Variants in ST8SIA6 observed in about 807,000 individuals in gnomAD.
ST8SIA6 encodes the protein ST8 alpha-N-acetyl-neuraminide alpha-2,8-sialyltransferase 6, also known as alpha-2,8-sialyltransferase 8F.
In ST8SIA6, 39 loss-of-function variants were observed where a neutral mutation model predicts 33.6. The observed-to-expected ratio is 1.16, with a 90% confidence interval of 0.90 to 1.52. ST8SIA6 has a LOEUF of 1.52. Among genes scored for constraint, ST8SIA6 ranks in the 40% most tolerant of loss-of-function variants. The probability of loss-of-function intolerance (pLI) is 0.00; values close to 1 mark genes in which losing one functional copy is unlikely to be tolerated. For missense variants in ST8SIA6, 441 were observed against 443.8 expected (o/e 0.99, Z 0.06); for synonymous variants, 172 against 167.2 (o/e 1.03, Z -0.22).
At chr10:17,397,361 G>A (rs1439945047) in intron 2 of ST8SIA6, among the ~76,000 whole-genome samples, 1 of 149,592 alleles carries the variant, frequency 6.7e-6, no homozygotes, top group Non-Finnish European at 1.5e-5. Flanking sequence ...AGCCTCCTGT[G>A]TAGCTGGGAT....
At chr10:17,336,058 C>A (rs540282035) in intron 4 of ST8SIA6, among the ~76,000 whole-genome samples, 1 of 151,912 alleles carries the variant, frequency 6.6e-6, no homozygotes, top group South Asian at 2.1e-4. Flanking sequence ...TGGGTTCAAG[C>A]AATTCTCCTA....
intron 2 of ST8SIA6, among the ~76,000 whole-genome samples, chr10:17,395,214 G>A (rs1233270628): frequency 6.6e-6 from 1 of 152,130 alleles, no homozygotes. Context: ...CCCCAGCCAC[G>A]TGGAACTGTG....
At chr10:17,406,346 T>G (rs77982192) in intron 2 of ST8SIA6, among the ~76,000 whole-genome samples, 9,572 of 152,226 alleles carry the variant, frequency 0.063, 327 homozygotes, top group South Asian at 0.11. Flanking sequence ...TCATTTCCCA[T>G]AAATTTGCCT....
intron 3 of ST8SIA6, 42 bp downstream of exon 3, chr10:17,390,489 C>A: frequency 6.7e-7 from 1 of 1,502,336 alleles, no homozygotes; most frequent in Middle Eastern, 1.7e-4. Flanking sequence ...AAAATAAAAC[C>A]CTTGTTGTAA....
intron 2 of ST8SIA6, among the ~76,000 whole-genome samples, chr10:17,419,850 AT>A (rs971517558): frequency 2.6e-5 from 4 of 152,148 alleles, no homozygotes; most frequent in African/African-American, 4.8e-5. Flanking sequence ...ATTTGCACAC[AT>A]TTTTTTAACA....
chr10:17,333,688 T>TAGATAG (rs1391580983), intron 4 of ST8SIA6, among the ~76,000 whole-genome samples: 1 of 21,324 alleles, frequency 4.7e-5, no homozygotes, highest in Non-Finnish European at 9.5e-5. Flanking sequence ...TATATATATA[T>TAGATAG]ATATATATAT....
At chr10:17,447,823 ATT>A (rs1588937543) in intron 2 of ST8SIA6, among the ~76,000 whole-genome samples, 1 of 151,708 alleles carries the variant, frequency 6.6e-6, no homozygotes, top group Non-Finnish European at 1.5e-5. Flanking sequence ...TTTAAAAAAA[ATT>A]TTTTTTTGAG....
At chr10:17,345,121 C>T (rs1204861787) in intron 4 of ST8SIA6, among the ~76,000 whole-genome samples, 1 of 152,140 alleles carries the variant, frequency 6.6e-6, no homozygotes, top group Non-Finnish European at 1.5e-5. Context: ...AAGAGCTGGG[C>T]TAGGCCAGGC....
intron 2 of ST8SIA6, among the ~76,000 whole-genome samples, chr10:17,401,010 C>A (rs190880790): frequency 6.6e-6 from 1 of 152,086 alleles, no homozygotes; most frequent in East Asian, 1.9e-4. Context: ...GCAGATGACA[C>A]GATTGTATAT....
intron 2 of ST8SIA6, among the ~76,000 whole-genome samples, chr10:17,436,244 T>C (rs1852250010): frequency 6.6e-6 from 1 of 152,140 alleles, no homozygotes; most frequent in African/African-American, 2.4e-5. Context: ...CCCACCCACA[T>C]CTCATCTTTA....
At chr10:17,426,192 A>G (rs1851934111) in intron 2 of ST8SIA6, among the ~76,000 whole-genome samples, 1 of 152,068 alleles carries the variant, frequency 6.6e-6, no homozygotes, top group Non-Finnish European at 1.5e-5. Context: ...GTGGCACGCG[A>G]TGTCCTCTTC....
rs545283595 is a variant in ST8SIA6 at position 17,316,317 on chromosome 10, T to C, written c.*4561A>G. Reference sequence around the variant, plus strand: ...GCTAAATTTAAAGGACATACCCTTATTTCTGTATATATGTCCAGTAAGTTG... The same window carrying C: ...GCTAAATTTAAAGGACATACCCTTACTTCTGTATATATGTCCAGTAAGTTG... On this transcript the variant is annotated 3_prime_UTR_variant, in exon 8 of 8. Transcript: ENST00000377602. Among the ~76,000 whole-genome samples, 5 of 152,076 alleles carry C rather than the reference T, an allele frequency of 3.3e-5. No homozygotes were observed. The highest frequency in any genetic ancestry group is 7.4e-5 in the Non-Finnish European group (5 of 67,948).
intron 2 of ST8SIA6, among the ~76,000 whole-genome samples, chr10:17,397,815 G>A (rs965758785): frequency 3.3e-5 from 5 of 151,982 alleles, no homozygotes; most frequent in African/African-American, 7.3e-5. Flanking sequence ...AGTATGTTGC[G>A]GGGGGGAAAT....
At chr10:17,399,420 G>T (rs1313770797) in intron 2 of ST8SIA6, among the ~76,000 whole-genome samples, 1 of 152,170 alleles carries the variant, frequency 6.6e-6, no homozygotes, top group Non-Finnish European at 1.5e-5. Context: ...TTCTTAAAAT[G>T]ACTTCATAGA....
chr10:17,377,391 C>G (rs1195188173), intron 3 of ST8SIA6, among the ~76,000 whole-genome samples: 1 of 152,156 alleles, frequency 6.6e-6, no homozygotes, highest in African/African-American at 2.4e-5. Context: ...TTCACATGGA[C>G]ACGCCTAACA....
chr10:17,330,323 G>A (rs1848256127), intron 5 of ST8SIA6, among the ~76,000 whole-genome samples: 1 of 152,152 alleles, frequency 6.6e-6, no homozygotes, highest in Non-Finnish European at 1.5e-5. Context: ...GGATGAATGA[G>A]TGAAAGGGCT....
At chr10:17,445,461 C>T (rs1224916976) in intron 2 of ST8SIA6, among the ~76,000 whole-genome samples, 1 of 152,190 alleles carries the variant, frequency 6.6e-6, no homozygotes, top group African/African-American at 2.4e-5. Flanking sequence ...TGTAAATTTT[C>T]ACCTCAGAAA....
intron 4 of ST8SIA6, among the ~76,000 whole-genome samples, chr10:17,357,292 A>AT (rs113412171): frequency 3.5e-3 from 502 of 143,856 alleles, no homozygotes; most frequent in Admixed American, 7.0e-3. Context: ...CGCCTGGCTA[A>AT]TTTTTTTTTT....
At chr10:17,411,922 G>A (rs80215047) in intron 2 of ST8SIA6, among the ~76,000 whole-genome samples, 1 of 148,732 alleles carries the variant, frequency 6.7e-6, no homozygotes, top group Non-Finnish European at 1.5e-5. Flanking sequence ...TTTAAGGAAT[G>A]TTTTTTTTTT....
Sources: gnomAD v4.1 joint callset for allele counts (sites outside exome capture counted in the v4.1 genomes callset) on GRCh38, gnomAD v4.1.1 for gene constraint, MANE v1.5 for transcripts, NCBI Gene and HGNC (gene_info 2026-07-23, HGNC 2026-07-21) for gene names.